ARHGAP6: variants seen among roughly 807,000 people sequenced by gnomAD.
The protein encoded by ARHGAP6 is Rho GTPase activating protein 6, also known as rho GTPase-activating protein 6.
In ARHGAP6, 16 loss-of-function variants were observed where a neutral mutation model predicts 55.7. The observed-to-expected ratio is 0.29, with a 90% CI of 0.19 to 0.44. The LOEUF (loss-of-function observed/expected upper bound fraction) is 0.44, where lower values mean the gene tolerates loss of function less well. Among genes scored for constraint, ARHGAP6 ranks in the 20% least tolerant of loss-of-function variants. ARHGAP6 has a pLI of 1.00. For synonymous variants in ARHGAP6, 382 were observed against 360.9 expected (o/e 1.06, Z -0.66); for missense variants, 698 against 808.9 (o/e 0.86, Z 1.66).
intron 2 of ARHGAP6, among the ~76,000 whole-genome samples, chrX:11,241,831 A>G (rs1447999731): frequency 1.8e-5 from 2 of 111,442 alleles, no homozygotes; most frequent in Non-Finnish European, 3.8e-5. Flanking sequence ...CAAAGTGTCT[A>G]TGTTTCCCTG....
chrX:11,218,583 G>A (rs1370905114), intron 2 of ARHGAP6, among the ~76,000 whole-genome samples: 2 of 111,076 alleles, frequency 1.8e-5, no homozygotes, highest in African/African-American at 6.5e-5. Flanking sequence ...ATGTGAATCC[G>A]CCTGATCCTG....
At chrX:11,298,417 C>G in intron 1 of ARHGAP6, 1 of 1,125,870 alleles carries the variant, frequency 8.9e-7, no homozygotes, top group Admixed American at 2.2e-5. Context: ...TCTGTGTACA[C>G]AGTTACAAAT....
rs752638754 is a variant in ARHGAP6 at position 11,484,429 on chromosome X, AAAG to A, written c.588+179809_588+179811del. Among the ~76,000 whole-genome samples, 460 of 108,330 alleles carry A rather than the reference AAAG, an allele frequency of 4.2e-3. 2 individuals are homozygous for A. Among genetic ancestry groups the A allele is most frequent in the Middle Eastern group, 0.014 (3 of 216 alleles). The allele number at this position is 108,330 out of a possible 115,157, so 94.1% of individuals were successfully genotyped here. ...GGAAGATGATAATGAAGAGGAAGAA[AAAG>A]AAGAAAGAGGAAGAGGAGGACAAGG... On this transcript the variant is annotated intron_variant, in intron 1 of 12. Transcript: ENST00000337414.
chrX:11,298,633 A>G, intron 1 of ARHGAP6: 1 of 1,210,580 alleles, frequency 8.3e-7, no homozygotes, highest in Non-Finnish European at 1.1e-6. Context: ...CCCCCGACTC[A>G]CACCCTGCAG....
chrX:11,237,751 A>G (rs948194704), intron 2 of ARHGAP6, among the ~76,000 whole-genome samples: 10 of 112,395 alleles, frequency 8.9e-5, no homozygotes, highest in Non-Finnish European at 1.1e-4. Flanking sequence ...TTCATAGGCA[A>G]TGAGGAGAGC....
At position 11,525,383 on chromosome X, in the gene ARHGAP6, G is replaced by T. The variant is rs886243633; in HGVS notation, c.588+138858C>A. Among the ~76,000 whole-genome samples the T allele has an allele frequency of 3.6e-5, 4 of 112,036 alleles. 1 individual carries two copies. Among genetic ancestry groups the T allele is most frequent in the Non-Finnish European group, 7.5e-5 (4 of 53,217 alleles). On this transcript the variant is annotated intron_variant, in intron 1 of 12. Transcript: ENST00000337414. ...AGGAAATCTTGAGATGTTGAAGTCT[G>T]CCCATAATCTACAATCCTTTTCAAC... is the stretch of plus-strand genomic sequence containing the variant.
intron 1 of ARHGAP6, among the ~76,000 whole-genome samples, chrX:11,483,997 C>T (rs1399130430): frequency 8.9e-6 from 1 of 111,817 alleles, no homozygotes; most frequent in South Asian, 3.7e-4. Flanking sequence ...ATAATAATTC[C>T]TATTATGCAG....
rs11377641 is a variant in ARHGAP6 at position 11,162,334 on chromosome X, C to CG, written c.1810-5709_1810-5708insC. Among the ~76,000 whole-genome samples the CG allele has an allele frequency of 3.8e-4, 7 of 18,256 alleles. No homozygotes were observed. The East Asian group carries it at 0.013, about 34-fold the overall frequency. The allele number at this position is 18,256 out of a possible 115,157, so 15.9% of individuals were successfully genotyped here. A position where few individuals can be genotyped will look rare whatever the true frequency, so the allele number is the denominator to read the frequency against. On this transcript the variant is annotated intron_variant, in intron 9 of 12. Transcript: ENST00000337414. ...GTGCTACCCAGCTACTGAAACTGTGCCCCCCCCCCCATATTTACTGTGTCA... is the reference window on the plus strand; with the variant it reads ...GTGCTACCCAGCTACTGAAACTGTGCGCCCCCCCCCCATATTTACTGTGTCA...
At chrX:11,592,271 C>A (rs776485556) in intron 1 of ARHGAP6, among the ~76,000 whole-genome samples, 2 of 112,086 alleles carry the variant, frequency 1.8e-5, no homozygotes, top group Non-Finnish European at 3.8e-5. Context: ...CACACAACAC[C>A]AATCAGCCAT....
In ARHGAP6 at chrX:11,231,121, C is replaced by T. The variant is rs1303618933; in HGVS notation, c.748+23427G>A. 3.6e-5 allele frequency among the ~76,000 whole-genome samples: 4 copies of T among 111,961 alleles called. No homozygotes were observed. The East Asian group carries it at 1.1e-3, about 31-fold the overall frequency. On this transcript the variant is annotated intron_variant, in intron 2 of 12. Transcript: ENST00000337414. ...GTTAGGATATCAGAAACAAGTCGCA[C>T]TAAAACAAACGTAAAGATACACTTT...
chrX:11,644,673 T>C (rs766196111), intron 1 of ARHGAP6, among the ~76,000 whole-genome samples: 1 of 110,140 alleles, frequency 9.1e-6, no homozygotes, highest in Non-Finnish European at 1.9e-5. Flanking sequence ...GTGAAAAAAA[T>C]AGAAACTACT....
chrX:11,453,705 T>C (rs1385746924), intron 1 of ARHGAP6, among the ~76,000 whole-genome samples: 1 of 111,725 alleles, frequency 9.0e-6, no homozygotes, highest in Non-Finnish European at 1.9e-5. Flanking sequence ...ATATTGTTGC[T>C]CAGCAAGGTT....
At chrX:11,600,602 C>T (rs181321655) in intron 1 of ARHGAP6, among the ~76,000 whole-genome samples, 107 of 112,011 alleles carry the variant, frequency 9.6e-4, no homozygotes, top group African/African-American at 3.0e-3. Context: ...AAGTTAATGT[C>T]CTTGGAAGAA....
At chrX:11,429,095 T>G (rs2049918020) in intron 1 of ARHGAP6, among the ~76,000 whole-genome samples, 1 of 112,411 alleles carries the variant, frequency 8.9e-6, no homozygotes, top group Non-Finnish European at 1.9e-5. Context: ...ACAAACCAAC[T>G]GTAGTCTGTG....
intron 1 of ARHGAP6, among the ~76,000 whole-genome samples, chrX:11,484,028 G>A: frequency 8.9e-6 from 1 of 111,846 alleles, no homozygotes. Context: ...AGAATAATTT[G>A]AAATAACATT....
At chrX:11,415,610 T>C (rs1348098246) in intron 1 of ARHGAP6, among the ~76,000 whole-genome samples, 1 of 111,755 alleles carries the variant, frequency 8.9e-6, no homozygotes, top group Non-Finnish European at 1.9e-5. Context: ...ATGGAAGGAG[T>C]GCATTTCCCC....
chrX:11,362,111 T>G (rs1288651780), intron 1 of ARHGAP6, among the ~76,000 whole-genome samples: 1 of 111,795 alleles, frequency 8.9e-6, no homozygotes, highest in Non-Finnish European at 1.9e-5. Flanking sequence ...TCCTCAGGGA[T>G]CTAGAACTAG....
Position 11,531,604 on chromosome X carries a change from T to A in ARHGAP6, c.588+132637A>T, listed in dbSNP as rs766742421. ...GATTAATGACAGGGGGTTCTTTTTT[T>A]TTTTGGCTGTAAGATTTATTTTTAA... is the stretch of plus-strand genomic sequence containing the variant. On this transcript the variant is annotated intron_variant, in intron 1 of 12. Transcript: ENST00000337414. 8.1e-5 allele frequency among the ~76,000 whole-genome samples: 9 copies of A among 111,084 alleles called. No homozygotes were observed. The South Asian group carries it at 3.0e-3, about 37-fold the overall frequency.
chrX:11,261,167 G>A (rs2047556246), intron 1 of ARHGAP6, among the ~76,000 whole-genome samples: 1 of 111,885 alleles, frequency 8.9e-6, no homozygotes, highest in Admixed American at 9.5e-5. Flanking sequence ...TTAAGAGACA[G>A]TCTTTTGAAA....
Sources: allele counts gnomAD v4.1 joint callset (sites outside exome capture counted in the v4.1 genomes callset), GRCh38; gene constraint gnomAD v4.1.1; transcripts MANE v1.5; gene names NCBI Gene and HGNC (gene_info 2026-07-23, HGNC 2026-07-21).